NRXN1: variants seen among roughly 807,000 people sequenced by gnomAD.
NRXN1 encodes the protein neurexin-1.
A neutral mutation model predicts 150.9 loss-of-function variants in NRXN1; 39 were observed. The ratio of observed to expected loss-of-function variants is 0.26; its 90% confidence interval spans 0.20 to 0.34. NRXN1 has a LOEUF of 0.34. NRXN1 is among the 10% of genes least tolerant of loss of function. The probability of loss-of-function intolerance (pLI) is 1.00; values close to 1 mark genes in which losing one functional copy is unlikely to be tolerated. For synonymous variants in NRXN1, 924 were observed against 757.0 expected (o/e 1.22, Z -3.62); for missense variants, 1,815 against 1,949.9 (o/e 0.93, Z 1.30).
chr2:50,829,261 G>A (rs1468503117), intron 5 of NRXN1, among the ~76,000 whole-genome samples: 1 of 111,606 alleles, frequency 9.0e-6, no homozygotes, highest in African/African-American at 3.0e-5. Flanking sequence ...GGAGACCGTG[G>A]GGAGAGGGAG....
intron 8 of NRXN1, among the ~76,000 whole-genome samples, chr2:50,566,205 C>A (rs1268382550): frequency 6.6e-6 from 1 of 151,996 alleles, no homozygotes; most frequent in Non-Finnish European, 1.5e-5. Context: ...ATCCACTTTG[C>A]CCCTAATTGC....
At chr2:50,684,281 T>C (rs1250745608) in intron 5 of NRXN1, among the ~76,000 whole-genome samples, 1 of 152,080 alleles carries the variant, frequency 6.6e-6, no homozygotes, top group Non-Finnish European at 1.5e-5. Flanking sequence ...GGCAGGTGGA[T>C]TGCTTGAGTC....
chr2:50,699,535 G>A (rs1461916258), intron 5 of NRXN1, among the ~76,000 whole-genome samples: 1 of 152,052 alleles, frequency 6.6e-6, no homozygotes, highest in Non-Finnish European at 1.5e-5. Flanking sequence ...CTTGAAGACA[G>A]AGGAAGGGGC....
At chr2:50,612,021 T>C (rs951387934) in intron 8 of NRXN1, among the ~76,000 whole-genome samples, 2 of 152,182 alleles carry the variant, frequency 1.3e-5, no homozygotes, top group African/African-American at 4.8e-5. Context: ...TTTATCTTTA[T>C]AAAAATACTG....
At chr2:50,567,723 G>A (rs199596679) in intron 8 of NRXN1, among the ~76,000 whole-genome samples, 1 of 152,082 alleles carries the variant, frequency 6.6e-6, no homozygotes, top group Non-Finnish European at 1.5e-5. Context: ...TAGTGTGGGG[G>A]TAAATTTCAT....
intron 21 of NRXN1, among the ~76,000 whole-genome samples, chr2:50,047,788 A>G (rs1378296337): frequency 6.6e-6 from 1 of 151,856 alleles, no homozygotes; most frequent in Non-Finnish European, 1.5e-5. Context: ...TTCTCCAACT[A>G]GAACATAAGT....
rs1487672452 is a variant in NRXN1, at chr2:49,925,152, C to T, written c.4217-2901G>A. ...AAAATTAGCTGGGCATGGTGGCATG[C>T]ACCTGTAGTCCCAGTTACTTGGGGG... On this transcript the variant is annotated intron_variant, in intron 22 of 22. Transcript: ENST00000401669. 4.6e-5 allele frequency among the ~76,000 whole-genome samples: 7 copies of T among 151,862 alleles called. No homozygotes were observed. The East Asian group carries it at 1.4e-3, about 29-fold the overall frequency.
At chr2:50,541,514 T>G (rs2093388154) in intron 9 of NRXN1, among the ~76,000 whole-genome samples, 1 of 152,186 alleles carries the variant, frequency 6.6e-6, no homozygotes, top group Admixed American at 6.5e-5. Context: ...TATGGTGTGT[T>G]AGTGCTTGCT....
At chr2:50,620,930 C>A (rs1293363785) in intron 7 of NRXN1, 6 of 352,248 alleles carry the variant, frequency 1.7e-5, no homozygotes, top group Non-Finnish European at 3.0e-5. Flanking sequence ...TGCGGTCACT[C>A]GGGCCAGCCA....
intron 9 of NRXN1, among the ~76,000 whole-genome samples, chr2:50,539,639 CAT>C (rs1189293757): frequency 6.6e-6 from 1 of 152,172 alleles, no homozygotes; most frequent in Non-Finnish European, 1.5e-5. Context: ...CAAATGCAAC[CAT>C]GATACCTGAA....
chr2:50,290,226 TAAAAG>T (rs886989125), intron 17 of NRXN1, among the ~76,000 whole-genome samples: 2 of 152,166 alleles, frequency 1.3e-5, no homozygotes, highest in African/African-American at 4.8e-5. Flanking sequence ...TTCTTTCCCA[TAAAAG>T]AAAAGATTCA....
chr2:50,932,302 C>T lies in NRXN1; in HGVS notation c.773-6347G>A, dbSNP rs186710580. On this transcript the variant is annotated intron_variant, in intron 2 of 22. Coordinates refer to ENST00000401669, the MANE Select transcript of NRXN1 (RefSeq NM_001330078.2). ...ACTCAGGAGGCTGAGGAAGGAGAAT[C>T]ATCCTTCCTTCCTGCTCACTTTTGG... Among the ~76,000 whole-genome samples the T allele has an allele frequency of 2.3e-3, 354 of 151,996 alleles. 1 individual carries two copies. Among genetic ancestry groups the T allele is most frequent in the African/African-American group, 8.2e-3 (340 of 41,516 alleles).
intron 17 of NRXN1, among the ~76,000 whole-genome samples, chr2:50,374,831 A>C (rs929749811): frequency 1.7e-4 from 26 of 152,274 alleles, no homozygotes; most frequent in Non-Finnish European, 3.8e-4. Flanking sequence ...AATGCTTGCA[A>C]CTGCAACAGG....
chr2:50,508,326 A>C (rs899662906), intron 12 of NRXN1, among the ~76,000 whole-genome samples: 1 of 152,092 alleles, frequency 6.6e-6, no homozygotes, highest in Non-Finnish European at 1.5e-5. Context: ...GTTTTAAGAG[A>C]TTGATGGCTA....
intron 17 of NRXN1, among the ~76,000 whole-genome samples, chr2:50,309,315 T>G (rs1031118269): frequency 2.0e-5 from 3 of 152,316 alleles, no homozygotes; most frequent in Non-Finnish European, 4.4e-5. Flanking sequence ...GGACACAGTT[T>G]TTCCTCTAAC....
At chr2:50,882,783 T>C (rs917756175) in intron 5 of NRXN1, among the ~76,000 whole-genome samples, 7 of 151,872 alleles carry the variant, frequency 4.6e-5, no homozygotes, top group African/African-American at 1.7e-4. Flanking sequence ...TAATAATATT[T>C]TGTTTTAAGA....
chr2:49,933,651 T>A (rs969427034), intron 22 of NRXN1, among the ~76,000 whole-genome samples: 3 of 24,540 alleles, frequency 1.2e-4, no homozygotes, highest in African/African-American at 5.3e-4. Flanking sequence ...ACACATAAAT[T>A]ATTTATATCC....
chr2:50,918,882 C>T (rs1187118559), intron 5 of NRXN1: 1 of 195,556 alleles, frequency 5.1e-6, no homozygotes, highest in Non-Finnish European at 1.0e-5. Context: ...CTATTTGAAT[C>T]CATCTACCCA....
At chr2:50,196,511 C>G (rs1405046159) in intron 18 of NRXN1, among the ~76,000 whole-genome samples, 1 of 152,104 alleles carries the variant, frequency 6.6e-6, no homozygotes, top group Non-Finnish European at 1.5e-5. Flanking sequence ...CTACCATGCA[C>G]CATCCTTATC....
Sources: gnomAD v4.1 joint callset for allele counts (sites outside exome capture counted in the v4.1 genomes callset) on GRCh38, gnomAD v4.1.1 for gene constraint, MANE v1.5 for transcripts, NCBI Gene and HGNC (gene_info 2026-07-23, HGNC 2026-07-21) for gene names.